Variants in ZNF385D observed in about 807,000 individuals in gnomAD.
ZNF385D encodes the protein zinc finger protein 659.
Under a neutral mutation model 35.8 loss-of-function variants are expected in ZNF385D, and 15 were observed. The observed-to-expected ratio is 0.42, with a 90% confidence interval of 0.28 to 0.64. The LOEUF (loss-of-function observed/expected upper bound fraction) is 0.64. ZNF385D is among the 30% of genes least tolerant of loss of function. The pLI is 0.23. For synonymous variants in ZNF385D, 212 were observed against 186.8 expected, an observed-to-expected ratio of 1.13 and a Z score of -1.10; for missense variants, 474 against 494.6, an observed-to-expected ratio of 0.96 and a Z score of 0.39.
chr3:22,137,322 G>A (rs1047433075), intron 3 of ZNF385D, among the ~76,000 whole-genome samples: 1 of 152,054 alleles, frequency 6.6e-6, no homozygotes, highest in Admixed American at 6.6e-5. Context: ...CTCATTTTAC[G>A]AGGCCAGCAT....
At chr3:21,626,325 A>G (rs149809367) in intron 2 of ZNF385D, among the ~76,000 whole-genome samples, 20 of 152,258 alleles carry the variant, frequency 1.3e-4, no homozygotes, top group African/African-American at 2.2e-4. Context: ...GCCAGAAACT[A>G]TGCTACATGT....
At chr3:22,110,521 A>G (rs1576337596) in intron 3 of ZNF385D, among the ~76,000 whole-genome samples, 1 of 152,262 alleles carries the variant, frequency 6.6e-6, no homozygotes, top group East Asian at 1.9e-4. Flanking sequence ...CATCATTCTC[A>G]GCAAACTATC....
intron 3 of ZNF385D, among the ~76,000 whole-genome samples, chr3:21,538,050 A>G (rs574924213): frequency 1.4e-4 from 22 of 152,188 alleles, no homozygotes; most frequent in African/African-American, 5.1e-4. Context: ...GATTGAATCT[A>G]GTGTGTGAAA....
At chr3:22,357,659 G>A (rs1339551690) in intron 2 of ZNF385D, among the ~76,000 whole-genome samples, 1 of 151,802 alleles carries the variant, frequency 6.6e-6, no homozygotes. Context: ...TAGGTCAACA[G>A]GTCCTCTGTT....
chr3:21,528,404 A>T (rs1213853201), intron 3 of ZNF385D, among the ~76,000 whole-genome samples: 1 of 152,192 alleles, frequency 6.6e-6, no homozygotes, highest in Non-Finnish European at 1.5e-5. Context: ...GAGTGATAGA[A>T]ATAAGTGCCA....
intron 3 of ZNF385D, among the ~76,000 whole-genome samples, chr3:22,141,139 G>A (rs370358548): frequency 1.3e-5 from 2 of 152,024 alleles, no homozygotes; most frequent in South Asian, 2.1e-4. Context: ...CATAAGAGAG[G>A]TTTATACTGT....
At chr3:21,829,033 T>G (rs1304979839) in intron 3 of ZNF385D, among the ~76,000 whole-genome samples, 1 of 152,210 alleles carries the variant, frequency 6.6e-6, no homozygotes, top group Non-Finnish European at 1.5e-5. Context: ...TCATGGTCCT[T>G]AATTTAATCA....
chr3:22,037,510 CT>C (rs1180035970), intron 3 of ZNF385D, among the ~76,000 whole-genome samples: 4 of 152,032 alleles, frequency 2.6e-5, no homozygotes, highest in Non-Finnish European at 4.4e-5. Flanking sequence ...TAAATGTCTT[CT>C]TTTGAGAAGT....
chr3:21,860,976 TG>T (rs1697019801), intron 3 of ZNF385D, among the ~76,000 whole-genome samples: 1 of 152,170 alleles, frequency 6.6e-6, no homozygotes, highest in African/African-American at 2.4e-5. Context: ...TTATTTTTTA[TG>T]GCTGATATAT....
At chr3:21,645,790 AT>A (rs2065734163) in intron 2 of ZNF385D, among the ~76,000 whole-genome samples, 1 of 152,054 alleles carries the variant, frequency 6.6e-6, no homozygotes. Flanking sequence ...CCAACTAGAT[AT>A]TTTTTCTCCC....
intron 1 of ZNF385D, among the ~76,000 whole-genome samples, chr3:21,691,712 T>C (rs2067292599): frequency 6.6e-6 from 1 of 152,206 alleles, no homozygotes; most frequent in Non-Finnish European, 1.5e-5. Flanking sequence ...GTTTTTTAAG[T>C]GATAACATGT....
At chr3:21,433,241 G>A (rs1701387531) in intron 5 of ZNF385D, among the ~76,000 whole-genome samples, 1 of 152,116 alleles carries the variant, frequency 6.6e-6, no homozygotes, top group South Asian at 2.1e-4. Flanking sequence ...CATTTGTTTA[G>A]AATTCAGAAT....
intron 3 of ZNF385D, among the ~76,000 whole-genome samples, chr3:21,519,772 C>T (rs550655564): frequency 5.9e-5 from 9 of 152,170 alleles, no homozygotes; most frequent in Non-Finnish European, 1.2e-4. Context: ...GAAACCACTT[C>T]GTCTAGCTGC....
intron 3 of ZNF385D, among the ~76,000 whole-genome samples, chr3:22,150,792 G>C (rs1214959351): frequency 1.3e-5 from 2 of 152,086 alleles, no homozygotes; most frequent in Non-Finnish European, 2.9e-5. Flanking sequence ...AGCTTAATCT[G>C]ATGTATATTC....
intron 3 of ZNF385D, among the ~76,000 whole-genome samples, chr3:21,965,269 T>A (rs1702851448): frequency 6.6e-6 from 1 of 152,140 alleles, no homozygotes; most frequent in Non-Finnish European, 1.5e-5. Context: ...GATTAAAAAT[T>A]AAATAATATG....
At chr3:22,045,153 G>C (rs1576219204) in intron 3 of ZNF385D, among the ~76,000 whole-genome samples, 1 of 151,350 alleles carries the variant, frequency 6.6e-6, no homozygotes, top group East Asian at 1.9e-4. Flanking sequence ...GTGCCTTTTG[G>C]GTCATATTAA....
chr3:21,872,142 T>C (rs17009892), intron 3 of ZNF385D, among the ~76,000 whole-genome samples: 14,745 of 152,270 alleles, frequency 0.097, 830 homozygotes, highest in East Asian at 0.15. Flanking sequence ...TTGTACTTCA[T>C]ATTAGAACAG....
At chr3:22,062,906 A>G (rs1699762125) in intron 3 of ZNF385D, among the ~76,000 whole-genome samples, 1 of 152,204 alleles carries the variant, frequency 6.6e-6, no homozygotes. Context: ...CTTCAGCCCT[A>G]GTTAGGCCTT....
chr3:22,080,605 T>C (rs144844047), intron 3 of ZNF385D, among the ~76,000 whole-genome samples: 2,244 of 152,088 alleles, frequency 0.015, 32 homozygotes, highest in Middle Eastern at 0.034. Context: ...TTATATTTTA[T>C]ATACAAAATA....
Sources: gnomAD v4.1 joint callset for allele counts (sites outside exome capture counted in the v4.1 genomes callset) on GRCh38, gnomAD v4.1.1 for gene constraint, MANE v1.5 for transcripts, NCBI Gene and HGNC (gene_info 2026-07-23, HGNC 2026-07-21) for gene names.